The following AP3B1 variants were observed in gnomAD, a reference collection of about 807,000 sequenced individuals.
AP3B1 encodes the protein AP-3 complex subunit beta-1.
In AP3B1, 61 loss-of-function variants were observed where a neutral mutation model predicts 132.5. The observed-to-expected ratio is 0.46, with a 90% confidence interval of 0.37 to 0.57. The LOEUF is 0.57. Ranked by LOEUF, AP3B1 falls within the 20% of genes least tolerant of loss-of-function variation. AP3B1 has a pLI of 0.00. For synonymous variants in AP3B1, 388 were observed against 438.3 expected (o/e 0.89, Z 1.43); for missense variants, 1,120 against 1,289.4 (o/e 0.87, Z 2.01).
At chr5:78,093,681 TGCATCATCTGCATCATTG>T (rs1750634617) in intron 21 of AP3B1, among the ~76,000 whole-genome samples, 1 of 152,250 alleles carries the variant, frequency 6.6e-6, no homozygotes, top group Non-Finnish European at 1.5e-5. Flanking sequence ...TGTAATTTGC[TGCATCATCTGCATCATTG>T]GCATCATCAG....
intron 20 of AP3B1, among the ~76,000 whole-genome samples, chr5:78,102,560 G>A (rs1053238134): frequency 3.3e-5 from 5 of 152,020 alleles, no homozygotes; most frequent in African/African-American, 9.7e-5. Flanking sequence ...TAGTTTTGAA[G>A]CTAAAATTTA....
At chr5:78,047,045 G>T (rs542109236) in intron 22 of AP3B1, among the ~76,000 whole-genome samples, 1 of 152,220 alleles carries the variant, frequency 6.6e-6, no homozygotes, top group Admixed American at 6.5e-5. Flanking sequence ...CCTTTTTTAT[G>T]GCTGCATAGT....
At chr5:78,096,022 T>TTCCCTC (rs1352772520) in intron 21 of AP3B1, among the ~76,000 whole-genome samples, 1 of 152,152 alleles carries the variant, frequency 6.6e-6, no homozygotes, top group Non-Finnish European at 1.5e-5. Context: ...CCCTCTCCCT[T>TTCCCTC]TCCCTCTCCC....
chr5:78,054,556 A>T (rs1748726843), intron 22 of AP3B1, among the ~76,000 whole-genome samples: 1 of 152,206 alleles, frequency 6.6e-6, no homozygotes, highest in South Asian at 2.1e-4. Context: ...TGCTGAACAG[A>T]TTTACAACAG....
At chr5:78,003,106 GA>G in intron 26 of AP3B1, 51 bp from the exon 27 acceptor site, 1 of 1,579,510 alleles carries the variant, frequency 6.3e-7, no homozygotes, top group South Asian at 1.1e-5. Flanking sequence ...GAGGGTAAAG[GA>G]GATAGCATAC....
At chr5:78,206,899 A>C (rs1483356408) in intron 7 of AP3B1, among the ~76,000 whole-genome samples, 1 of 152,194 alleles carries the variant, frequency 6.6e-6, no homozygotes, top group South Asian at 2.1e-4. Flanking sequence ...AGGCAGGAGG[A>C]TCACATGAGC....
At chr5:78,082,627 G>C (rs192690268) in intron 22 of AP3B1, among the ~76,000 whole-genome samples, 398 of 152,284 alleles carry the variant, frequency 2.6e-3, no homozygotes, top group Non-Finnish European at 4.4e-3. Flanking sequence ...GTGAAAACCA[G>C]GTCTTTGGGC....
At chr5:78,224,041 C>T (rs1746298569) in intron 6 of AP3B1, among the ~76,000 whole-genome samples, 1 of 152,070 alleles carries the variant, frequency 6.6e-6, no homozygotes, top group Non-Finnish European at 1.5e-5. Flanking sequence ...TAGCCAATCT[C>T]TTGCACTTAT....
intron 14 of AP3B1, among the ~76,000 whole-genome samples, chr5:78,152,879 G>C (rs1561442687): frequency 6.6e-6 from 1 of 151,942 alleles, no homozygotes; most frequent in Non-Finnish European, 1.5e-5. Flanking sequence ...TAGATTTCTA[G>C]TTTTATTCCA....
At chr5:78,274,748 C>G (rs1195701891) in intron 1 of AP3B1, among the ~76,000 whole-genome samples, 1 of 151,972 alleles carries the variant, frequency 6.6e-6, no homozygotes, top group East Asian at 1.9e-4. Flanking sequence ...TAGTGAGGCC[C>G]AGTCTCTACA....
At chr5:78,269,424 C>T (rs555069292) in intron 1 of AP3B1, among the ~76,000 whole-genome samples, 2 of 152,224 alleles carry the variant, frequency 1.3e-5, no homozygotes, top group East Asian at 3.9e-4. Context: ...ACATTTAAGG[C>T]AAATCTTACT....
chr5:78,274,794 T>G (rs1456986049), intron 1 of AP3B1, among the ~76,000 whole-genome samples: 5 of 152,114 alleles, frequency 3.3e-5, no homozygotes, highest in African/African-American at 4.8e-5. Flanking sequence ...GGCATGATAG[T>G]GTGCACCTAT....
intron 1 of AP3B1, among the ~76,000 whole-genome samples, chr5:78,278,598 CAAAAAAAAA>C (rs1181601782): frequency 0.013 from 131 of 10,264 alleles, no homozygotes; most frequent in African/African-American, 0.038. Flanking sequence ...GACTCCGTCT[CAAAAAAAAA>C]AAAAAAAAAA....
At chr5:78,198,566 C>T (rs916207836) in intron 7 of AP3B1, among the ~76,000 whole-genome samples, 3 of 152,104 alleles carry the variant, frequency 2.0e-5, no homozygotes, top group African/African-American at 7.2e-5. Flanking sequence ...ACTTCATTAC[C>T]TCCCAAAAGC....
intron 1 of AP3B1, among the ~76,000 whole-genome samples, chr5:78,271,021 G>A (rs1748524629): frequency 6.6e-6 from 1 of 152,124 alleles, no homozygotes. Flanking sequence ...TAAGTCATGA[G>A]GTAATATAGG....
chr5:78,163,966 G>C (rs1743505523), intron 12 of AP3B1, among the ~76,000 whole-genome samples: 1 of 151,794 alleles, frequency 6.6e-6, no homozygotes, highest in Non-Finnish European at 1.5e-5. Context: ...CATTTAAGTG[G>C]TGTCTAAATG....
chr5:78,092,182 A>G (rs1750547276), intron 21 of AP3B1, among the ~76,000 whole-genome samples: 1 of 152,206 alleles, frequency 6.6e-6, no homozygotes, highest in African/African-American at 2.4e-5. Flanking sequence ...CATGTAACGA[A>G]TAAAAAACTG....
intron 1 of AP3B1, among the ~76,000 whole-genome samples, chr5:78,279,907 A>AATATATATATAT (rs55881507): frequency 9.6e-5 from 11 of 114,376 alleles, no homozygotes; most frequent in African/African-American, 3.5e-4. Context: ...ATATGACTTA[A>AATATATATATAT]ATATATATAT....
chr5:78,102,956 G>C (rs568058058), intron 20 of AP3B1, among the ~76,000 whole-genome samples: 1 of 152,174 alleles, frequency 6.6e-6, no homozygotes, highest in South Asian at 2.1e-4. Context: ...CTAGAACAGA[G>C]AGAAAAAAGG....
Sources: allele counts gnomAD v4.1 joint callset (sites outside exome capture counted in the v4.1 genomes callset), GRCh38; gene constraint gnomAD v4.1.1; transcripts MANE v1.5; gene names NCBI Gene and HGNC (gene_info 2026-07-23, HGNC 2026-07-21).